ZNF532: variants seen among roughly 807,000 people sequenced by gnomAD.
The protein encoded by ZNF532 is zinc finger protein 532.
A neutral mutation model predicts 89.3 loss-of-function variants in ZNF532; 22 were observed. That is an observed-to-expected ratio of 0.25 (90% CI 0.18 to 0.35). The LOEUF is 0.35. Ranked by LOEUF, ZNF532 falls within the 10% of genes least tolerant of loss-of-function variation. The pLI is 1.00. For missense variants in ZNF532, 1,132 were observed against 1,643.4 expected, an observed-to-expected ratio of 0.69 and a Z score of 5.38; for synonymous variants, 606 against 649.6, an observed-to-expected ratio of 0.93 and a Z score of 1.02.
chr18:58,888,427 A>G (rs769767996), intron 2 of ZNF532, among the ~76,000 whole-genome samples: 4 of 151,688 alleles, frequency 2.6e-5, no homozygotes, highest in Non-Finnish European at 5.9e-5. Context: ...TGTAATCCCA[A>G]CATTTTGGGA....
chr18:58,962,199 C>G (rs896772965), intron 7 of ZNF532, among the ~76,000 whole-genome samples: 1 of 151,648 alleles, frequency 6.6e-6, no homozygotes, highest in East Asian at 1.9e-4. Flanking sequence ...GCGCTCCAGC[C>G]TGGATGACAG....
intron 3 of ZNF532, among the ~76,000 whole-genome samples, chr18:58,930,342 G>C (rs1174247126): frequency 6.6e-6 from 1 of 152,104 alleles, no homozygotes; most frequent in African/African-American, 2.4e-5. Context: ...GGCTCAGTAA[G>C]AGTACCGGGC....
At chr18:58,924,011 C>T (rs567908418) in intron 3 of ZNF532, among the ~76,000 whole-genome samples, 7 of 152,278 alleles carry the variant, frequency 4.6e-5, no homozygotes, top group South Asian at 4.2e-4. Flanking sequence ...CACACATCAC[C>T]GCATCCAGCT....
intron 2 of ZNF532, among the ~76,000 whole-genome samples, chr18:58,910,130 T>C (rs1254651891): frequency 1.3e-5 from 2 of 152,186 alleles, no homozygotes; most frequent in Non-Finnish European, 2.9e-5. Context: ...TGTGTACTCA[T>C]TTACCCAACT....
At chr18:58,891,172 G>T (rs1410436904) in intron 2 of ZNF532, among the ~76,000 whole-genome samples, 1 of 152,072 alleles carries the variant, frequency 6.6e-6, no homozygotes, top group East Asian at 1.9e-4. Context: ...GCCTGCCTCG[G>T]CCTCCCAAAG....
intron 5 of ZNF532, among the ~76,000 whole-genome samples, chr18:58,947,108 C>T (rs1289511988): frequency 6.6e-6 from 1 of 152,146 alleles, no homozygotes; most frequent in African/African-American, 2.4e-5. Context: ...ATTCTTTGTG[C>T]CCATTCTCAC....
chr18:58,939,778 CA>C, intron 5 of ZNF532, 157 bp downstream of exon 5: 1 of 565,376 alleles, frequency 1.8e-6, no homozygotes, highest in Non-Finnish European at 2.9e-6. Context: ...ATAGCTCATC[CA>C]AATCTTTCTG....
At chr18:58,885,254 G>A (rs1354950015) in intron 2 of ZNF532, among the ~76,000 whole-genome samples, 1 of 152,076 alleles carries the variant, frequency 6.6e-6, no homozygotes, top group African/African-American at 2.4e-5. Flanking sequence ...CTCCCAAAGT[G>A]CTGGAATTAC....
In ZNF532 at chr18:58,953,748, G is replaced by C; in HGVS notation, c.3099G>C (p.Leu1033=). The change falls in exon 7 of 10, where the codon CTG becomes CTC. Residue 1033 remains leucine, a synonymous_variant. Transcript: ENST00000591808. ...GGACGTGTTGGGAGTGTGACTGCCT[G>C]TTCATGCAGAGAGATGTGTACATAT... ...PGWTCWECDC[L]FMQRDVYISH... is the part of the protein sequence containing the mutation. 1 of 1,614,156 alleles carries C rather than the reference G, an allele frequency of 6.2e-7. No individual in the cohort carries two copies. Among genetic ancestry groups the C allele is most frequent in the South Asian group, 1.1e-5 (1 of 91,072 alleles).
Position 58,918,735 on chromosome 18 carries a change from C to A in ZNF532, c.448C>A (p.Pro150Thr), listed in dbSNP as rs1431992604. 1 of 1,614,140 alleles carries A rather than the reference C, an allele frequency of 6.2e-7. No individual in the cohort carries two copies. The highest frequency in any genetic ancestry group is 2.2e-5 in the East Asian group (1 of 44,872). The change falls in exon 3 of 10, where the codon CCT (proline) becomes ACT (threonine). Residue 150 changes from proline (P) to threonine (T), a missense_variant. Transcript: ENST00000591808. ...DDEKIEVDDP[P>T]DKEDMRSSFR... ...CGAGAAGATTGAGGTGGATGACCCC[C>A]CTGACAAGGAGGACATGCGATCAAG...
intron 5 of ZNF532, among the ~76,000 whole-genome samples, chr18:58,943,770 T>C (rs1338225064): frequency 2.6e-5 from 4 of 152,196 alleles, no homozygotes; most frequent in African/African-American, 7.2e-5. Context: ...CTATATCTTA[T>C]GGTAATGAAG....
At chr18:58,978,973 T>TTAAAC in intron 7 of ZNF532, 82 bp from the exon 8 acceptor site, 1 of 1,147,626 alleles carries the variant, frequency 8.7e-7, no homozygotes, top group South Asian at 1.4e-5. Context: ...ATGATTTAAC[T>TTAAAC]TAAACTATTA....
chr18:58,942,331 C>CT (rs2063213379), intron 5 of ZNF532, among the ~76,000 whole-genome samples: 2 of 67,390 alleles, frequency 3.0e-5, no homozygotes, highest in Non-Finnish European at 5.5e-5. Context: ...CCCTCCCTCC[C>CT]TCCCTCCCTC....
At chr18:58,941,338 A>G (rs772526448) in intron 5 of ZNF532, among the ~76,000 whole-genome samples, 3 of 152,200 alleles carry the variant, frequency 2.0e-5, no homozygotes, top group Non-Finnish European at 4.4e-5. Context: ...AATGTGTGTG[A>G]CATCTGGAAC....
Position 58,981,539 on chromosome 18 carries a change from T to C in ZNF532, c.3333T>C (p.His1111=). The change falls in exon 9 of 10, where the codon CAT becomes CAC. Residue 1111 remains histidine (H), a synonymous_variant. Coordinates refer to ENST00000591808, the MANE Select transcript of ZNF532 (RefSeq NM_001375912.1). The part of the protein sequence containing the change: ...LMLEKHVQLM[H]GIKDPDLKEM... ...TGGAGAAGCACGTCCAGCTGATGCATGGCATCAAGGACCCTGACCTGAAAG... is the reference window on the plus strand; with the variant it reads ...TGGAGAAGCACGTCCAGCTGATGCACGGCATCAAGGACCCTGACCTGAAAG... The C allele has an allele frequency of 1.2e-6, 2 of 1,614,074 alleles. No homozygotes were observed. Among genetic ancestry groups the C allele is most frequent in the Non-Finnish European group, 1.7e-6 (2 of 1,179,954 alleles).
intron 2 of ZNF532, among the ~76,000 whole-genome samples, chr18:58,870,072 G>GTTTT (rs764095848): frequency 5.3e-5 from 6 of 112,780 alleles, no homozygotes; most frequent in Non-Finnish European, 5.4e-5. Context: ...AGCCCAGGTT[G>GTTTT]TTTTTTTTTT....
intron 7 of ZNF532, among the ~76,000 whole-genome samples, chr18:58,976,547 A>ATTTTTT (rs5825310): frequency 1.3e-5 from 2 of 150,474 alleles, no homozygotes; most frequent in Non-Finnish European, 1.5e-5. Context: ...CTTTCAGTTG[A>ATTTTTT]TTTTTTTTTT....
rs573533757 is a variant in ZNF532, at chr18:58,975,018, C to T, written c.3151-4037C>T. 1.1e-4 allele frequency among the ~76,000 whole-genome samples: 16 copies of T among 152,196 alleles called. 1 individual carries two copies. The highest frequency in any genetic ancestry group is 3.4e-3 in the Middle Eastern group (1 of 294). On this transcript the variant is annotated intron_variant, in intron 7 of 9. Transcript: ENST00000591808. ...ATAGTGCAGTGATTTTTAGGAGCACCGATGTTGCATTACAGCAGAAACGGG... is the reference window on the plus strand; with the variant it reads ...ATAGTGCAGTGATTTTTAGGAGCACTGATGTTGCATTACAGCAGAAACGGG...
Position 58,920,299 on chromosome 18 carries a change from A to G in ZNF532, c.2012A>G (p.Lys671Arg). Residue 671 changes from lysine to arginine, a missense_variant, in exon 3 of 10, where the codon AAA (lysine) becomes AGA (arginine). Physicochemically the swap from Lys to Arg is conservative, Grantham distance 26 (BLOSUM62 2). Around this residue, in one of 9 missense-constraint regions of ZNF532, gnomAD observed 70 missense variants for 152.1 expected, o/e 0.46. Coordinates refer to ENST00000591808, the MANE Select transcript of ZNF532 (RefSeq NM_001375912.1). ...LLSHARGHKEKGVVMQCSHLI... is the reference protein window; with the variant it reads ...LLSHARGHKERGVVMQCSHLI... The stretch of plus-strand genomic sequence containing the variant: ...TCCCATGCCCGTGGGCATAAGGAGA[A>G]AGGGGTGGTAATGCAATGCTCCCAC... The G allele has an allele frequency of 6.2e-7, 1 of 1,613,996 alleles. No homozygotes were observed. The highest frequency in any genetic ancestry group is 8.5e-7 in the Non-Finnish European group (1 of 1,179,862).
Sources: allele counts gnomAD v4.1 joint callset (sites outside exome capture counted in the v4.1 genomes callset), GRCh38; gene constraint gnomAD v4.1.1; regional missense constraint gnomAD v4.1.1; transcripts MANE v1.5; gene names NCBI Gene and HGNC (gene_info 2026-07-23, HGNC 2026-07-21).